ADA2: variants seen among roughly 807,000 people sequenced by gnomAD.
The protein encoded by ADA2 is adenosine deaminase 2.
In ADA2, 29 loss-of-function variants were observed where a neutral mutation model predicts 44.2. The observed-to-expected ratio is 0.66, with a 90% confidence interval of 0.49 to 0.89. ADA2 has a LOEUF of 0.89. ADA2 is among the 40% of genes least tolerant of loss of function. The probability of loss-of-function intolerance (pLI) is 0.00; values close to 1 mark genes in which losing one functional copy is unlikely to be tolerated. For synonymous variants in ADA2, 215 were observed against 234.9 expected, an observed-to-expected ratio of 0.92 and a Z score of 0.77; for missense variants, 637 against 644.8, an observed-to-expected ratio of 0.99 and a Z score of 0.13.
chr22:17,195,903 A>C (rs2062184638), intron 4 of ADA2, among the ~76,000 whole-genome samples: 1 of 151,586 alleles, frequency 6.6e-6, no homozygotes, highest in African/African-American at 2.4e-5. Context: ...ACATGCCACC[A>C]CGCCTGGCTA....
intron 4 of ADA2, chr22:17,193,061 C>G (rs1292986417): frequency 2.4e-6 from 2 of 824,706 alleles, no homozygotes; most frequent in African/African-American, 3.4e-5. Flanking sequence ...AGGGCCAGAT[C>G]TCGATGCCCA....
Position 17,179,505 on chromosome 22 carries a change from TGAGA to T in ADA2, c.*1974_*1977del, listed in dbSNP as rs2061945110. On this transcript the variant is annotated 3_prime_UTR_variant, in exon 10 of 10. Transcript: ENST00000399837. ...CATGATGGAAAAGAGCAAGGCTTCCTGAGAGAAACAGGGCGAGCACAGGAAAACC... is the reference window on the plus strand; with the variant it reads ...CATGATGGAAAAGAGCAAGGCTTCCTGAAACAGGGCGAGCACAGGAAAACC... 6.6e-6 allele frequency: 1 copy of T among 152,268 alleles called. No homozygotes were observed. The highest frequency in any genetic ancestry group is 2.1e-4 in the South Asian group (1 of 4,830). The allele number at this position is 152,268 out of a possible 1,614,324, so 9.4% of individuals were successfully genotyped here.
chr22:17,180,790 C>CTCTCTCTGT lies in ADA2; in HGVS notation c.*692_*693insACAGAGAGA, dbSNP rs1334370799. On this transcript the variant is annotated 3_prime_UTR_variant, in exon 10 of 10. Coordinates refer to ENST00000399837, the MANE Select transcript of ADA2 (RefSeq NM_001282225.2). ...GAAAAAGCAAAGGAATGGATGAGAC[C>CTCTCTCTGT]ACCCAGGAAAAGTGTACAGAGAGAG... 6.6e-6 allele frequency: 1 copy of CTCTCTCTGT among 152,038 alleles called. No homozygotes were observed. The highest frequency in any genetic ancestry group is 1.5e-5 in the Non-Finnish European group (1 of 68,046). The allele number at this position is 152,038 out of a possible 1,614,324, so 9.4% of individuals were successfully genotyped here.
rs559979452 is a variant in ADA2, at chr22:17,197,618, T to G, written c.754-5808A>C. ...TTTCACTACCAGAGTATCATTCACTTAAGAAGTGTTGAGCTTCTACTACAT... is the reference window on the plus strand; with the variant it reads ...TTTCACTACCAGAGTATCATTCACTGAAGAAGTGTTGAGCTTCTACTACAT... On this transcript the variant is annotated intron_variant, in intron 4 of 9. Coordinates refer to ENST00000399837, the MANE Select transcript of ADA2 (RefSeq NM_001282225.2). 7.9e-5 allele frequency among the ~76,000 whole-genome samples: 12 copies of G among 152,330 alleles called. No individual in the cohort carries two copies. In the South Asian group the frequency reaches 2.5e-3, roughly 32 times the overall value.
intron 4 of ADA2, among the ~76,000 whole-genome samples, chr22:17,192,202 G>A (rs1370204465): frequency 2.6e-5 from 4 of 152,108 alleles, no homozygotes; most frequent in Non-Finnish European, 5.9e-5. Context: ...ATTCCTAGCT[G>A]GCTCTGGGAT....
At position 17,181,899 on chromosome 22, in the gene ADA2, AATC is replaced by A. The variant is rs752497071; in HGVS notation, c.1360_1362del (p.Asp454del). On this transcript the variant is annotated inframe_deletion, in exon 9 of 10. Coordinates refer to ENST00000399837, the MANE Select transcript of ADA2 (RefSeq NM_001282225.2). ...CCAATGCCCATGAAGACCTCATAGA[AATC>A]ATAGGACAAGCCTTTGGCACCAAAC... is the stretch of plus-strand genomic sequence containing the variant. The A allele has an allele frequency of 1.9e-6, 3 of 1,613,992 alleles. No individual in the cohort carries two copies. In the African/African-American group the frequency reaches 4.0e-5, roughly 22 times the overall value.
upstream of ADA2, among the ~76,000 whole-genome samples, chr22:17,219,943 TG>T (rs1164617384): frequency 6.6e-6 from 1 of 152,190 alleles, no homozygotes; most frequent in African/African-American, 2.4e-5. Flanking sequence ...CCCAAAGTGC[TG>T]GAATTACAGG....
chr22:17,203,931 C>T (rs934783649), intron 3 of ADA2, among the ~76,000 whole-genome samples, 158 bp from the exon 4 acceptor site: 5 of 152,166 alleles, frequency 3.3e-5, no homozygotes, highest in Non-Finnish European at 7.3e-5. Context: ...AGCATTCCCA[C>T]GCTCACGATA....
chr22:17,184,983 A>AATATATATATATATATATATATATAT (rs374170344), intron 7 of ADA2, among the ~76,000 whole-genome samples: 909 of 77,984 alleles, frequency 0.012, 39 homozygotes, highest in Non-Finnish European at 0.013. Flanking sequence ...CCCATGTCAA[A>AATATATATATATATATATATATATAT]ATATATATAT....
chr22:17,208,902 C>T (rs1424984991), intron 2 of ADA2, among the ~76,000 whole-genome samples: 3 of 151,582 alleles, frequency 2.0e-5, no homozygotes, highest in Admixed American at 6.6e-5. Context: ...CATCATAGCT[C>T]CCTGCAAACT....
intron 7 of ADA2, among the ~76,000 whole-genome samples, chr22:17,188,034 GC>G (rs1485727310): frequency 1.3e-5 from 2 of 151,534 alleles, no homozygotes; most frequent in Admixed American, 1.3e-4. Flanking sequence ...AACCTGGGAA[GC>G]CGAGGTTGCA....
chr22:17,214,370 A>G (rs1403025946), intron 1 of ADA2, among the ~76,000 whole-genome samples: 1 of 152,234 alleles, frequency 6.6e-6, no homozygotes, highest in Non-Finnish European at 1.5e-5. Context: ...TTGGCAACAT[A>G]TAGAAGATAC....
chr22:17,205,410 G>A lies in ADA2; in HGVS notation c.543-1637C>T, dbSNP rs191587429. 1.8e-4 allele frequency among the ~76,000 whole-genome samples: 28 copies of A among 152,156 alleles called. No individual in the cohort carries two copies. In the East Asian group the frequency reaches 3.7e-3, roughly 20 times the overall value. On this transcript the variant is annotated intron_variant, in intron 3 of 9. Transcript: ENST00000399837. ...ATTACAGGCATGACCCAGTGTGCCCGGCTTGAGAAAATCAGTTCCTATTGT... is the reference window on the plus strand; with the variant it reads ...ATTACAGGCATGACCCAGTGTGCCCAGCTTGAGAAAATCAGTTCCTATTGT...
In ADA2 at chr22:17,182,721, AG is replaced by A; in HGVS notation, c.1121del (p.Ala374ValfsTer2). On this transcript the variant is annotated frameshift_variant, in exon 8 of 10. Coordinates refer to ENST00000399837, the MANE Select transcript of ADA2 (RefSeq NM_001282225.2). LOFTEE classifies it high-confidence loss of function. ...GTSIDRNILD[A>X]LMLNTTRIGH... ...CGATTCTGGTAGTGTTCAGCATCAG[AG>A]CATCCAGAATGTTCCTGTCTATGGA... 1 of 1,613,952 alleles carries A rather than the reference AG, an allele frequency of 6.2e-7. No individual in the cohort carries two copies.
intron 1 of ADA2, among the ~76,000 whole-genome samples, chr22:17,211,038 T>C (rs1267334163): frequency 1.3e-5 from 2 of 148,210 alleles, no homozygotes; most frequent in Non-Finnish European, 3.0e-5. Context: ...ATCAAGACCT[T>C]GTCTCTAAAA....
intron 7 of ADA2, among the ~76,000 whole-genome samples, 186 bp downstream of exon 7, chr22:17,188,153 A>C (rs567210104): frequency 2.0e-5 from 3 of 152,230 alleles, no homozygotes; most frequent in Non-Finnish European, 4.4e-5. Flanking sequence ...TAATACATGT[A>C]AAGTGGCTGA....
rs1415114895 is a variant in ADA2, at chr22:17,193,357, GC to G, written c.754-1548del. ...GTGTTTAAATAAAACCGTAAAAACT[GC>G]AAAAAAAAAAAAAAAAAAAAAAAAA... On this transcript the variant is annotated intron_variant, in intron 4 of 9. Coordinates refer to ENST00000399837, the MANE Select transcript of ADA2 (RefSeq NM_001282225.2). 9.9e-3 allele frequency: 471 copies of G among 47,704 alleles called. 33 individuals carry two copies. The highest frequency in any genetic ancestry group is 0.014 in the African/African-American group (100 of 7,230). 3.0% of individuals were successfully genotyped at this position (47,704 alleles called of 1,614,324 possible). A position where few individuals can be genotyped will look rare whatever the true frequency, so the allele number is the denominator to read the frequency against.
Position 17,181,408 on chromosome 22 carries a change from C to T in ADA2, c.*75G>A. On this transcript the variant is annotated 3_prime_UTR_variant, in exon 10 of 10. Coordinates refer to ENST00000399837, the MANE Select transcript of ADA2 (RefSeq NM_001282225.2). Reference sequence around the variant, plus strand: ...CCATTGATTTCATGGGCACATGGAGCTGATTCAAGAACGAGTGAGAGGAAG... The same window carrying T: ...CCATTGATTTCATGGGCACATGGAGTTGATTCAAGAACGAGTGAGAGGAAG... 1.0e-6 allele frequency: 1 copy of T among 991,026 alleles called. No homozygotes were observed. 61.4% of individuals were successfully genotyped at this position (991,026 alleles called of 1,614,324 possible).
At chr22:17,210,111 C>T (rs1424191853) in intron 1 of ADA2, among the ~76,000 whole-genome samples, 6 of 151,776 alleles carry the variant, frequency 4.0e-5, no homozygotes, top group Non-Finnish European at 7.4e-5. Flanking sequence ...AGGATGGTCA[C>T]GATCTCCTGA....
Sources: gnomAD v4.1 joint callset for allele counts (sites outside exome capture counted in the v4.1 genomes callset) on GRCh38, gnomAD v4.1.1 for gene constraint, MANE v1.5 for transcripts, NCBI Gene and HGNC (gene_info 2026-07-23, HGNC 2026-07-21) for gene names.